The following CACNA2D1 variants were observed in gnomAD, a reference collection of about 807,000 sequenced individuals.
The protein encoded by CACNA2D1 is voltage-dependent calcium channel subunit alpha-2/delta-1.
CACNA2D1 carries 53 observed loss-of-function variants against 171.5 expected under a neutral mutation model. The observed-to-expected ratio is 0.31, with a 90% confidence interval of 0.25 to 0.39. CACNA2D1 has a LOEUF of 0.39. Ranked by LOEUF, CACNA2D1 falls within the 10% of genes least tolerant of loss-of-function variation. The pLI, the probability that CACNA2D1 is intolerant of heterozygous loss-of-function variation, is 1.00. For synonymous variants in CACNA2D1, 442 were observed against 443.1 expected (o/e 1.00, Z 0.03); for missense variants, 903 against 1,299.8 (o/e 0.69, Z 4.69).
chr7:82,366,903 C>CTTTTTTTTTTTTTTT lies in CACNA2D1; in HGVS notation c.96-17269_96-17255dup, dbSNP rs71093376. Among the ~76,000 whole-genome samples, 80 of 86,968 alleles carry CTTTTTTTTTTTTTTT rather than the reference C, an allele frequency of 9.2e-4. 5 individuals carry two copies. Among genetic ancestry groups the CTTTTTTTTTTTTTTT allele is most frequent in the Middle Eastern group, 9.3e-3 (1 of 108 alleles). The allele number at this position is 86,968 out of a possible 152,430, so 57.1% of individuals were successfully genotyped here. On this transcript the variant is annotated intron_variant, in intron 1 of 38. Transcript: ENST00000356860. ...CCTGCCAGCATCCACTGGTTTTGAC[C>CTTTTTTTTTTTTTTT]TTTTTTTTTTTTTTTTTTTTTTTGA...
At chr7:82,072,786 ACT>A (rs1491587031) in intron 7 of CACNA2D1, among the ~76,000 whole-genome samples, 1 of 151,994 alleles carries the variant, frequency 6.6e-6, no homozygotes, top group African/African-American at 2.4e-5. Flanking sequence ...GGATAAATTA[ACT>A]TTTTTTTCAG....
chr7:82,285,812 A>G (rs1298265861), intron 3 of CACNA2D1, among the ~76,000 whole-genome samples: 2 of 151,898 alleles, frequency 1.3e-5, no homozygotes, highest in African/African-American at 4.8e-5. Context: ...GGTTATGAAG[A>G]CTCTTTCCTA....
intron 21 of CACNA2D1, 118 bp downstream of exon 21, chr7:81,991,067 G>C (rs994618125): frequency 1.6e-6 from 1 of 634,850 alleles, no homozygotes; most frequent in East Asian, 2.7e-5. Context: ...TATAAGTTTA[G>C]TATGTTTTCA....
intron 3 of CACNA2D1, among the ~76,000 whole-genome samples, chr7:82,197,504 GTA>G (rs1798968078): frequency 6.6e-6 from 1 of 152,018 alleles, no homozygotes; most frequent in Non-Finnish European, 1.5e-5. Flanking sequence ...TAATTTTCTA[GTA>G]TATGGGGCTG....
At chr7:82,047,479 T>C (rs888018200) in intron 10 of CACNA2D1, among the ~76,000 whole-genome samples, 2 of 152,160 alleles carry the variant, frequency 1.3e-5, no homozygotes, top group South Asian at 2.1e-4. Context: ...ACATAACTAA[T>C]GTGTTTGTAG....
chr7:82,367,200 T>A (rs1821840395), intron 1 of CACNA2D1, among the ~76,000 whole-genome samples: 1 of 152,046 alleles, frequency 6.6e-6, no homozygotes, highest in South Asian at 2.1e-4. Flanking sequence ...TGAGCCACCA[T>A]GCCTGGCTGA....
chr7:81,988,243 CT>C (rs1797174736), intron 21 of CACNA2D1, among the ~76,000 whole-genome samples: 1 of 152,126 alleles, frequency 6.6e-6, no homozygotes, highest in African/African-American at 2.4e-5. Flanking sequence ...GATTTCCTCT[CT>C]TTTTGCACCT....
chr7:82,443,523 C>A lies in CACNA2D1; in HGVS notation c.-64G>T, dbSNP rs1403288171. The A allele has an allele frequency of 7.0e-6, 11 of 1,575,504 alleles. No individual in the cohort carries two copies. The highest frequency in any genetic ancestry group is 9.5e-6 in the Non-Finnish European group (11 of 1,161,524). ...CGGGGGAAGGAGCGGCGCTGGAAAC[C>A]GCGGGCGGAGGAAGAGCAGCACACG... On this transcript the variant is annotated 5_prime_UTR_variant, in exon 1 of 39. Coordinates refer to ENST00000356860, the MANE Select transcript of CACNA2D1 (RefSeq NM_000722.4).
intron 10 of CACNA2D1, chr7:82,050,772 G>T: frequency 1.6e-6 from 1 of 632,634 alleles, no homozygotes. Context: ...CATAATACAT[G>T]ATTACAATAT....
chr7:82,173,522 G>A (rs892118072), intron 3 of CACNA2D1, among the ~76,000 whole-genome samples: 2 of 151,796 alleles, frequency 1.3e-5, no homozygotes, highest in Non-Finnish European at 2.9e-5. Flanking sequence ...TTTTTACCTA[G>A]CAAATTTCAT....
intron 3 of CACNA2D1, among the ~76,000 whole-genome samples, chr7:82,256,074 C>T (rs1053502763): frequency 2.0e-5 from 3 of 152,026 alleles, no homozygotes; most frequent in Non-Finnish European, 2.9e-5. Flanking sequence ...GTCAGGAGTT[C>T]GAGACTAGCC....
chr7:82,279,265 T>C (rs1236214516), intron 3 of CACNA2D1, among the ~76,000 whole-genome samples: 2 of 152,200 alleles, frequency 1.3e-5, no homozygotes, highest in Admixed American at 1.3e-4. Flanking sequence ...CCCTCCTCTA[T>C]TTCAGGCTGC....
intron 3 of CACNA2D1, among the ~76,000 whole-genome samples, chr7:82,198,145 C>T (rs1460440060): frequency 6.6e-6 from 1 of 152,090 alleles, no homozygotes; most frequent in Non-Finnish European, 1.5e-5. Context: ...AAACCAGGCA[C>T]TGTGCTCAGC....
chr7:81,980,111 G>A (rs1201787923), intron 24 of CACNA2D1, among the ~76,000 whole-genome samples: 1 of 136,276 alleles, frequency 7.3e-6, no homozygotes, highest in Non-Finnish European at 1.5e-5. Context: ...GTATGTATGT[G>A]TGTGTAGTCC....
At chr7:82,205,991 C>A (rs1799968617) in intron 3 of CACNA2D1, among the ~76,000 whole-genome samples, 1 of 151,976 alleles carries the variant, frequency 6.6e-6, no homozygotes, top group Admixed American at 6.6e-5. Flanking sequence ...GAAAAAAACA[C>A]AAGAATGTGC....
chr7:82,000,291 A>G (rs552359112), intron 18 of CACNA2D1, among the ~76,000 whole-genome samples: 10 of 152,128 alleles, frequency 6.6e-5, no homozygotes, highest in Non-Finnish European at 1.3e-4. Flanking sequence ...AAACAAAACA[A>G]AAACTATGTA....
chr7:82,005,531 G>A, intron 17 of CACNA2D1, 34 bp from the exon 18 acceptor site: 2 of 1,294,538 alleles, frequency 1.5e-6, no homozygotes, highest in Non-Finnish European at 2.2e-6. Flanking sequence ...GCTTGGATAT[G>A]CCTGAGTCAC....
At chr7:82,095,610 C>G (rs1811760473) in intron 6 of CACNA2D1, among the ~76,000 whole-genome samples, 1 of 152,172 alleles carries the variant, frequency 6.6e-6, no homozygotes, top group Admixed American at 6.5e-5. Flanking sequence ...TAACGTATAA[C>G]AGGCACGCCA....
At chr7:81,985,196 C>CTTTTTTTTTTTTTTTTTTT (rs774555240) in intron 21 of CACNA2D1, among the ~76,000 whole-genome samples, 3 of 104,192 alleles carry the variant, frequency 2.9e-5, no homozygotes, top group African/African-American at 1.2e-4. Flanking sequence ...ATTATCATTA[C>CTTTTTTTTTTTTTTTTTTT]TTTTTTTTTT....
Sources: gnomAD v4.1 joint callset for allele counts (sites outside exome capture counted in the v4.1 genomes callset) on GRCh38, gnomAD v4.1.1 for gene constraint, MANE v1.5 for transcripts, NCBI Gene and HGNC (gene_info 2026-07-23, HGNC 2026-07-21) for gene names.